SGMS1: variants seen among roughly 807,000 people sequenced by gnomAD.
SGMS1 encodes sphingomyelin synthase 1.
A neutral mutation model predicts 46.2 loss-of-function variants in SGMS1; 13 were observed. That is an observed-to-expected ratio of 0.28 (90% confidence interval 0.18 to 0.45). The LOEUF (loss-of-function observed/expected upper bound fraction) is 0.45, where lower values mean the gene tolerates loss of function less well. Ranked by LOEUF, SGMS1 falls within the 20% of genes least tolerant of loss-of-function variation. SGMS1 has a pLI of 1.00. For missense variants in SGMS1, 324 were observed against 519.9 expected (o/e 0.62, Z 3.66); for synonymous variants, 203 against 187.8 (o/e 1.08, Z -0.66).
At chr10:50,560,159 C>T (rs987477520) in intron 2 of SGMS1, among the ~76,000 whole-genome samples, 8 of 143,822 alleles carry the variant, frequency 5.6e-5, no homozygotes, top group African/African-American at 2.0e-4. Flanking sequence ...ATAAAATAGA[C>T]ATATATTATA....
chr10:50,347,047 A>G (rs180938499), intron 6 of SGMS1, among the ~76,000 whole-genome samples: 1 of 152,242 alleles, frequency 6.6e-6, no homozygotes, highest in Admixed American at 6.5e-5. Flanking sequence ...GCTTTTAAAG[A>G]TATTTCAGAC....
chr10:50,514,864 C>T (rs1176619504), intron 3 of SGMS1, among the ~76,000 whole-genome samples: 1 of 152,156 alleles, frequency 6.6e-6, no homozygotes, highest in African/African-American at 2.4e-5. Context: ...AGTCTGGCTA[C>T]TGATGAACCT....
intron 3 of SGMS1, among the ~76,000 whole-genome samples, chr10:50,518,501 A>G (rs1343574396): frequency 6.6e-6 from 1 of 152,154 alleles, no homozygotes; most frequent in East Asian, 1.9e-4. Flanking sequence ...ATCTTGGCTC[A>G]TTGCAACCTC....
intron 1 of SGMS1, among the ~76,000 whole-genome samples, 200 bp from the exon 2 acceptor site, chr10:50,590,447 C>A (rs925613957): frequency 1.3e-5 from 2 of 152,182 alleles, no homozygotes; most frequent in Middle Eastern, 3.4e-3. Context: ...ATCAGCCCCA[C>A]CCACTCTAGG....
chr10:50,412,645 G>C (rs540884182), intron 6 of SGMS1, among the ~76,000 whole-genome samples: 1 of 152,172 alleles, frequency 6.6e-6, no homozygotes, highest in African/African-American at 2.4e-5. Context: ...TGACACATTT[G>C]CACATACATT....
At chr10:50,408,055 A>T (rs1358733723) in intron 6 of SGMS1, among the ~76,000 whole-genome samples, 1 of 152,226 alleles carries the variant, frequency 6.6e-6, no homozygotes, top group Non-Finnish European at 1.5e-5. Context: ...ATAATATGAT[A>T]GCCACTAACC....
chr10:50,310,412 T>C (rs1847235742), intron 9 of SGMS1, among the ~76,000 whole-genome samples: 1 of 152,242 alleles, frequency 6.6e-6, no homozygotes, highest in Non-Finnish European at 1.5e-5. Context: ...TTTCTAGCAC[T>C]GTAATATTAA....
At chr10:50,543,351 C>T (rs1320774070) in intron 2 of SGMS1, among the ~76,000 whole-genome samples, 7 of 152,296 alleles carry the variant, frequency 4.6e-5, no homozygotes, top group Admixed American at 1.3e-4. Context: ...AGAGCTGGCC[C>T]TCAATCAAGT....
At chr10:50,449,347 C>A (rs1434248855) in intron 5 of SGMS1, among the ~76,000 whole-genome samples, 1 of 152,078 alleles carries the variant, frequency 6.6e-6, no homozygotes, top group Non-Finnish European at 1.5e-5. Context: ...CAATGATTTC[C>A]TTTTAGAGTA....
At chr10:50,343,451 A>G in intron 7 of SGMS1, 41 bp downstream of exon 7, 1 of 1,524,058 alleles carries the variant, frequency 6.6e-7, no homozygotes, top group Non-Finnish European at 8.8e-7. Context: ...TGGAGTGCAA[A>G]TCCCATAATC....
At chr10:50,625,087 G>A, upstream of SGMS1, 6 of 990,050 alleles carry the variant, frequency 6.1e-6, no homozygotes, top group Non-Finnish European at 7.2e-6. Context: ...CCTCCGCCTC[G>A]CCTTGGGGTA....
chr10:50,563,099 T>G (rs4935733), intron 2 of SGMS1, among the ~76,000 whole-genome samples: 46,996 of 152,086 alleles, frequency 0.31, 8,007 homozygotes, highest in East Asian at 0.64. Flanking sequence ...GTAATTTCAT[T>G]AACGAACTAG....
chr10:50,468,093 C>A (rs1243634707), intron 3 of SGMS1, among the ~76,000 whole-genome samples: 50 of 152,150 alleles, frequency 3.3e-4, no homozygotes, highest in Admixed American at 3.3e-3. Context: ...ACAAGCTAGT[C>A]TGTGCTAGAA....
At chr10:50,368,380 G>A (rs763305717) in intron 6 of SGMS1, among the ~76,000 whole-genome samples, 14 of 151,602 alleles carry the variant, frequency 9.2e-5, no homozygotes, top group East Asian at 1.9e-4. Context: ...TTTTTGAGCC[G>A]GAGTCTCGAT....
intron 1 of SGMS1, among the ~76,000 whole-genome samples, chr10:50,615,507 G>C (rs999520629): frequency 5.3e-5 from 8 of 152,162 alleles, no homozygotes; most frequent in African/African-American, 1.9e-4. Context: ...ACCTGCCTAA[G>C]GTCCCACAGC....
Position 50,521,327 on chromosome 10 carries a change from C to T in SGMS1, c.-588-1406G>A, listed in dbSNP as rs74440265. Among the ~76,000 whole-genome samples, 41 of 152,176 alleles carry T rather than the reference C, an allele frequency of 2.7e-4. No homozygotes were observed. In the East Asian group the frequency reaches 7.3e-3, roughly 27 times the overall value. ...TCCATTCATTCATTTGACTTTTTTT[C>T]TGAGCCTTAAGGAGATAAGTGCAAT... On this transcript the variant is annotated intron_variant, in intron 2 of 10. Transcript: ENST00000361781.
At chr10:50,410,484 A>G (rs1387251804) in intron 6 of SGMS1, among the ~76,000 whole-genome samples, 1 of 152,212 alleles carries the variant, frequency 6.6e-6, no homozygotes, top group Non-Finnish European at 1.5e-5. Context: ...TGAGAATGTA[A>G]ACCATCAGGT....
In SGMS1 at chr10:50,621,534, A is replaced by T. The variant is rs1282124218; in HGVS notation, c.-684+2173T>A. Among the ~76,000 whole-genome samples the T allele has an allele frequency of 2.0e-5, 3 of 152,358 alleles. No homozygotes were observed. The East Asian group carries it at 5.8e-4, about 29-fold the overall frequency. ...AACTCTTCTGTTATGAAGAATTTTT[A>T]AAATTTCAGCTGCAGAGGCATGTAT... On this transcript the variant is annotated intron_variant, in intron 1 of 10. Coordinates refer to ENST00000361781, the MANE Select transcript of SGMS1 (RefSeq NM_147156.4).
Position 50,344,103 on chromosome 10 carries a change from C to A in SGMS1, c.12G>T (p.Val4=). MKE[V]VYWSPKKVAD... is the part of the protein sequence containing the mutation. ...CCACCTTCTTGGGTGACCAATAAAC[C>A]ACTTCCTTCATTGTACTGGCAGACA... Residue 4 remains valine, a synonymous_variant, in exon 7 of 11, where the codon GTG becomes GTT. Transcript: ENST00000361781. The A allele has an allele frequency of 6.2e-7, 1 of 1,607,210 alleles. No individual in the cohort carries two copies. The highest frequency in any genetic ancestry group is 8.5e-7 in the Non-Finnish European group (1 of 1,176,694).
Sources: gnomAD v4.1 joint callset for allele counts (sites outside exome capture counted in the v4.1 genomes callset) on GRCh38, gnomAD v4.1.1 for gene constraint, MANE v1.5 for transcripts, NCBI Gene and HGNC (gene_info 2026-07-23, HGNC 2026-07-21) for gene names.